SUPT3H: variants seen among roughly 807,000 people sequenced by gnomAD.
SUPT3H encodes SPT3 homolog, SAGA and STAGA complex component.
A neutral mutation model predicts 44.3 loss-of-function variants in SUPT3H; 44 were observed. The observed-to-expected ratio is 0.99, with a 90% CI of 0.78 to 1.28. The LOEUF (loss-of-function observed/expected upper bound fraction) is 1.28. Ranked by LOEUF, SUPT3H falls within the 50% of genes most tolerant of loss-of-function variation. The pLI, the probability that SUPT3H is intolerant of heterozygous loss-of-function variation, is 0.00. For missense variants in SUPT3H, 380 were observed against 387.1 expected (o/e 0.98, Z 0.15); for synonymous variants, 124 against 125.6 (o/e 0.99, Z 0.09).
intron 2 of SUPT3H, among the ~76,000 whole-genome samples, chr6:45,263,462 C>T (rs1056316605): frequency 1.2e-4 from 19 of 152,070 alleles, no homozygotes; most frequent in African/African-American, 4.3e-4. Flanking sequence ...ATGGCAACAA[C>T]AGAAGGTGGA....
At chr6:45,074,187 A>G (rs1447657940) in intron 3 of SUPT3H, among the ~76,000 whole-genome samples, 1 of 152,002 alleles carries the variant, frequency 6.6e-6, no homozygotes, top group African/African-American at 2.4e-5. Context: ...TCCACTATCT[A>G]TCTAACTCAA....
chr6:45,206,915 G>A (rs968519032), intron 2 of SUPT3H, among the ~76,000 whole-genome samples: 1 of 152,112 alleles, frequency 6.6e-6, no homozygotes, highest in Admixed American at 6.6e-5. Context: ...GGAGAGAGAG[G>A]TATAGTACTG....
At chr6:44,927,388 G>A (rs1769669810) in intron 10 of SUPT3H, among the ~76,000 whole-genome samples, 1 of 152,032 alleles carries the variant, frequency 6.6e-6, no homozygotes, top group Non-Finnish European at 1.5e-5. Context: ...CTTTCATAAT[G>A]AGTAAACTGA....
At chr6:45,176,917 GT>G (rs148204468) in intron 2 of SUPT3H, among the ~76,000 whole-genome samples, 88,607 of 151,780 alleles carry the variant, frequency 0.58, 26,624 homozygotes, top group African/African-American at 0.73. Context: ...AAACCCATCT[GT>G]ACATCAGCAT....
At chr6:44,936,281 T>C (rs994924177) in intron 9 of SUPT3H, among the ~76,000 whole-genome samples, 1 of 152,374 alleles carries the variant, frequency 6.6e-6, no homozygotes. Flanking sequence ...ATTTTCTCAT[T>C]TAAAAGTTTG....
intron 3 of SUPT3H, 49 bp downstream of exon 3, chr6:45,105,873 T>G: frequency 2.8e-6 from 4 of 1,431,624 alleles, no homozygotes; most frequent in South Asian, 2.4e-5. Flanking sequence ...ACCATCCTAA[T>G]AAAAGAATGC....
At chr6:45,111,163 G>T (rs1800000933) in intron 2 of SUPT3H, among the ~76,000 whole-genome samples, 1 of 151,788 alleles carries the variant, frequency 6.6e-6, no homozygotes, top group Admixed American at 6.6e-5. Flanking sequence ...CTCCTGAGTA[G>T]CTGGGATTAC....
chr6:45,303,190 C>T (rs187649567), intron 2 of SUPT3H, among the ~76,000 whole-genome samples: 12 of 152,228 alleles, frequency 7.9e-5, no homozygotes, highest in Non-Finnish European at 1.3e-4. Context: ...CAGAAAAACC[C>T]TTCTAGACCC....
chr6:45,216,821 C>T (rs931301975), intron 2 of SUPT3H, among the ~76,000 whole-genome samples: 15 of 151,990 alleles, frequency 9.9e-5, no homozygotes, highest in African/African-American at 2.7e-4. Flanking sequence ...TTATACCTAA[C>T]GAGAGAAACA....
At chr6:45,295,097 T>A (rs1042226472) in intron 2 of SUPT3H, among the ~76,000 whole-genome samples, 1 of 152,090 alleles carries the variant, frequency 6.6e-6, no homozygotes, top group Non-Finnish European at 1.5e-5. Flanking sequence ...GATTTCAAAC[T>A]ATACTATTAG....
intron 3 of SUPT3H, among the ~76,000 whole-genome samples, chr6:45,030,897 T>A (rs528501312): frequency 6.6e-6 from 1 of 152,322 alleles, no homozygotes; most frequent in South Asian, 2.1e-4. Context: ...GGATCTGCTA[T>A]GAAACTCGGT....
At chr6:45,205,170 C>A (rs902796002) in intron 2 of SUPT3H, among the ~76,000 whole-genome samples, 6 of 152,186 alleles carry the variant, frequency 3.9e-5, no homozygotes, top group Admixed American at 3.9e-4. Context: ...AGATTTCCTT[C>A]TCCTTCTATC....
intron 10 of SUPT3H, among the ~76,000 whole-genome samples, chr6:44,863,827 A>C (rs1775053299): frequency 6.6e-6 from 1 of 152,184 alleles, no homozygotes; most frequent in South Asian, 2.1e-4. Flanking sequence ...CTCACATCGC[A>C]GCAGGCAAGA....
intron 3 of SUPT3H, among the ~76,000 whole-genome samples, chr6:45,027,482 A>G (rs995734155): frequency 6.6e-6 from 1 of 152,108 alleles, no homozygotes; most frequent in African/African-American, 2.4e-5. Flanking sequence ...GTCTCCATTG[A>G]CTATTTTTTC....
chr6:45,168,304 G>A (rs1233760328), intron 2 of SUPT3H, among the ~76,000 whole-genome samples: 1 of 152,124 alleles, frequency 6.6e-6, no homozygotes, highest in African/African-American at 2.4e-5. Context: ...GGGATCGGAA[G>A]TGTTTAGGAT....
intron 2 of SUPT3H, among the ~76,000 whole-genome samples, chr6:45,314,604 G>A (rs1784432121): frequency 6.6e-6 from 1 of 151,988 alleles, no homozygotes; most frequent in African/African-American, 2.4e-5. Flanking sequence ...ACCTCTACAA[G>A]GAAAACTACA....
intron 10 of SUPT3H, among the ~76,000 whole-genome samples, chr6:44,881,493 A>G (rs980039771): frequency 3.9e-5 from 6 of 151,922 alleles, no homozygotes; most frequent in Non-Finnish European, 8.8e-5. Context: ...ACAGAAAATT[A>G]ACAAGGCTAT....
intron 10 of SUPT3H, among the ~76,000 whole-genome samples, chr6:44,836,483 T>C (rs1769926185): frequency 6.6e-6 from 1 of 152,192 alleles, no homozygotes; most frequent in Non-Finnish European, 1.5e-5. Flanking sequence ...ACTCTCATTG[T>C]AGTCCATGTA....
intron 1 of SUPT3H, among the ~76,000 whole-genome samples, chr6:45,376,706 A>G (rs1468513909): frequency 6.6e-6 from 1 of 152,240 alleles, no homozygotes; most frequent in African/African-American, 2.4e-5. Flanking sequence ...TGTTTCTCAT[A>G]GGCAAATTCA....
Sources: allele counts gnomAD v4.1 joint callset (sites outside exome capture counted in the v4.1 genomes callset), GRCh38; gene constraint gnomAD v4.1.1; transcripts MANE v1.5; gene names NCBI Gene and HGNC (gene_info 2026-07-23, HGNC 2026-07-21).